Variants in SLC13A1 observed in about 807,000 individuals in gnomAD.
The protein encoded by SLC13A1 is Na(+)/sulfate cotransporter.
Under a neutral mutation model 70.0 loss-of-function variants are expected in SLC13A1, and 65 were observed. The ratio of observed to expected loss-of-function variants is 0.93; its 90% CI spans 0.76 to 1.14. SLC13A1 has a LOEUF of 1.14. Among genes scored for constraint, SLC13A1 ranks in the 50% most tolerant of loss-of-function variants. The pLI is 0.00. For synonymous variants in SLC13A1, 275 were observed against 250.5 expected (o/e 1.10, Z -0.92); for missense variants, 726 against 717.8 (o/e 1.01, Z -0.13).
intron 12 of SLC13A1, among the ~76,000 whole-genome samples, chr7:123,121,125 A>T (rs1007972668): frequency 1.3e-5 from 2 of 151,920 alleles, no homozygotes; most frequent in East Asian, 1.9e-4. Flanking sequence ...TCTCTTTGTG[A>T]GCCAGTGTCT....
At position 123,125,695 on chromosome 7, in the gene SLC13A1, A is replaced by G. The variant is rs567077947; in HGVS notation, c.1134-20T>C. On this transcript the variant is annotated intron_variant, in intron 10 of 14. Coordinates refer to ENST00000194130, the MANE Select transcript of SLC13A1 (RefSeq NM_022444.4). ...GGGTACCTGTAAAAGGGACAAATAC[A>G]TGTATTAAAAATAGCATCAAGAACT... 21 of 1,548,972 alleles carry G rather than the reference A, an allele frequency of 1.4e-5. No homozygotes were observed. The East Asian group carries it at 2.9e-4, about 22-fold the overall frequency.
intron 1 of SLC13A1, among the ~76,000 whole-genome samples, chr7:123,191,967 T>C (rs1403568614): frequency 6.6e-6 from 1 of 152,200 alleles, no homozygotes; most frequent in Non-Finnish European, 1.5e-5. Context: ...TTTGTATTTA[T>C]ATATCTTATA....
intron 6 of SLC13A1, among the ~76,000 whole-genome samples, chr7:123,156,998 A>G (rs2116475159): frequency 6.6e-6 from 1 of 152,192 alleles, no homozygotes. Context: ...TCCCTTGGCT[A>G]AGCTCGCTGG....
chr7:123,165,736 C>T (rs1294064040), intron 6 of SLC13A1, among the ~76,000 whole-genome samples: 1 of 152,166 alleles, frequency 6.6e-6, no homozygotes, highest in Non-Finnish European at 1.5e-5. Flanking sequence ...CCCACAACAG[C>T]TCATCTCTAG....
At position 123,124,399 on chromosome 7, in the gene SLC13A1, AAAAC is replaced by A. The variant is rs1418272966; in HGVS notation, c.1240+1166_1241-1165del. Among the ~76,000 whole-genome samples the A allele has an allele frequency of 1.3e-5, 2 of 152,306 alleles. 1 individual carries two copies. The highest frequency in any genetic ancestry group is 3.9e-4 in the East Asian group (2 of 5,172). On this transcript the variant is annotated intron_variant, in intron 11 of 14. Coordinates refer to ENST00000194130, the MANE Select transcript of SLC13A1 (RefSeq NM_022444.4). ...ATTGAGATATTCTAATCTCAAGTGA[AAAAC>A]AAAGTACATTTGTTTCTATGCTGTG...
intron 1 of SLC13A1, among the ~76,000 whole-genome samples, chr7:123,184,365 T>C (rs139893384): frequency 9.9e-5 from 15 of 152,226 alleles, no homozygotes; most frequent in African/African-American, 3.6e-4. Context: ...ACAATAAATC[T>C]CTCAAGCTTA....
intron 1 of SLC13A1, among the ~76,000 whole-genome samples, chr7:123,198,138 G>A (rs1405393518): frequency 6.6e-6 from 1 of 151,998 alleles, no homozygotes; most frequent in Non-Finnish European, 1.5e-5. Context: ...GGACTCATGG[G>A]ACCAGGAGAG....
Position 123,184,612 on chromosome 7 carries a change from T to G in SLC13A1, c.100-3511A>C, listed in dbSNP as rs541871878. Among the ~76,000 whole-genome samples, 3 of 152,192 alleles carry G rather than the reference T, an allele frequency of 2.0e-5. No individual in the cohort carries two copies. In the South Asian group the frequency reaches 6.2e-4, roughly 32 times the overall value. ...TTCTTCATTTTATGGCTGAATAGTA[T>G]TTCATTCTGTCTCTGTCTCTCTCTC... On this transcript the variant is annotated intron_variant, in intron 1 of 14. Transcript: ENST00000194130.
In SLC13A1 at chr7:123,182,931, C is replaced by A. The variant is rs1355375836; in HGVS notation, c.100-1830G>T. On this transcript the variant is annotated intron_variant, in intron 1 of 14. Coordinates refer to ENST00000194130, the MANE Select transcript of SLC13A1 (RefSeq NM_022444.4). Reference sequence around the variant, plus strand: ...CATTTTGCATTCAAACCCACCTTCACTTTGACTATAATGTCTTATCACAAC... The same window carrying A: ...CATTTTGCATTCAAACCCACCTTCAATTTGACTATAATGTCTTATCACAAC... Among the ~76,000 whole-genome samples, 4 of 152,190 alleles carry A rather than the reference C, an allele frequency of 2.6e-5. No individual in the cohort carries two copies. The East Asian group carries it at 7.7e-4, about 29-fold the overall frequency.
At chr7:123,173,975 T>G (rs189248427) in intron 2 of SLC13A1, among the ~76,000 whole-genome samples, 2,493 of 150,200 alleles carry the variant, frequency 0.017, 27 homozygotes, top group Non-Finnish European at 0.025. Context: ...AAGCTGTTTT[T>G]TTTTTTTTTT....
At chr7:123,134,338 A>G (rs752026510) in intron 8 of SLC13A1, 72 bp downstream of exon 8, 67 of 1,427,602 alleles carry the variant, frequency 4.7e-5, no homozygotes, top group Non-Finnish European at 6.4e-5. Flanking sequence ...GGGAAAGAGC[A>G]TCGGATAAGA....
At position 123,128,867 on chromosome 7, in the gene SLC13A1, C is replaced by T; in HGVS notation, c.1111G>A (p.Gly371Ser). 1 of 1,613,250 alleles carries T rather than the reference C, an allele frequency of 6.2e-7. No individual in the cohort carries two copies. The highest frequency in any genetic ancestry group is 8.5e-7 in the Non-Finnish European group (1 of 1,179,546). ...WFSRDPGFVPGWSALFSEYPG... is the reference protein window; with the variant it reads ...WFSRDPGFVPSWSALFSEYPG... ...TACTCTGAAAAAAGTGCAGACCAAC[C>T]AGGAACAAATCCGGGGTCTCGACTA... Residue 371 changes from glycine to serine, a missense_variant, in exon 10 of 15, where the codon GGT (glycine) becomes AGT (serine). Coordinates refer to ENST00000194130, the MANE Select transcript of SLC13A1 (RefSeq NM_022444.4).
intron 6 of SLC13A1, among the ~76,000 whole-genome samples, chr7:123,147,634 T>C (rs1794410057): frequency 6.6e-6 from 1 of 152,112 alleles, no homozygotes; most frequent in Non-Finnish European, 1.5e-5. Flanking sequence ...ACACTGACCC[T>C]GCCAGACCCT....
intron 3 of SLC13A1, among the ~76,000 whole-genome samples, chr7:123,170,075 A>G (rs978919655): frequency 2.0e-5 from 3 of 152,182 alleles, no homozygotes; most frequent in African/African-American, 7.2e-5. Context: ...ATTTTAAGCC[A>G]TATCTATAAA....
intron 7 of SLC13A1, among the ~76,000 whole-genome samples, chr7:123,146,518 AAAAT>A (rs1268368636): frequency 6.6e-6 from 1 of 152,210 alleles, no homozygotes; most frequent in Non-Finnish European, 1.5e-5. Context: ...CTGTCTCAGA[AAAAT>A]AAATAAGTAA....
Position 123,129,324 on chromosome 7 carries a change from C to CTGTG in SLC13A1, c.1031+55_1031+58dup, listed in dbSNP as rs3837116. The CTGTG allele has an allele frequency of 5.7e-4, 449 of 781,188 alleles. 1 individual carries two copies. The African/African-American group carries it at 6.0e-3, about 10-fold the overall frequency. 48.4% of individuals were successfully genotyped at this position (781,188 alleles called of 1,614,324 possible). A position where few individuals can be genotyped will look rare whatever the true frequency, so the allele number is the denominator to read the frequency against. Reference sequence around the variant, plus strand: ...AGTGTAAACAGCATTTCTCTCTTCTCTGTGTGTGTGTGTGTGTGTGTGTGT... The same window carrying CTGTG: ...AGTGTAAACAGCATTTCTCTCTTCTCTGTGTGTGTGTGTGTGTGTGTGTGTGTGT... On this transcript the variant is annotated intron_variant, in intron 9 of 14. Coordinates refer to ENST00000194130, the MANE Select transcript of SLC13A1 (RefSeq NM_022444.4).
chr7:123,195,890 A>T (rs536300947), intron 1 of SLC13A1, among the ~76,000 whole-genome samples: 1 of 152,200 alleles, frequency 6.6e-6, no homozygotes, highest in African/African-American at 2.4e-5. Context: ...GAATAGGTAT[A>T]CCTGGAAGAA....
chr7:123,148,645 G>A, intron 6 of SLC13A1: 1 of 319,466 alleles, frequency 3.1e-6, no homozygotes, highest in South Asian at 2.5e-5. Context: ...TTTCAGTTAT[G>A]TTTAGTCAGG....
chr7:123,171,701 A>T lies in SLC13A1; in HGVS notation c.365+67T>A, dbSNP rs964063503. On this transcript the variant is annotated intron_variant, in intron 3 of 14. Transcript: ENST00000194130. ...TTCCTGGGCGTGAATTACTTATTTGATTATTTGCTCTGCACAAAAATGGTC... is the reference window on the plus strand; with the variant it reads ...TTCCTGGGCGTGAATTACTTATTTGTTTATTTGCTCTGCACAAAAATGGTC... The T allele has an allele frequency of 3.3e-6, 5 of 1,494,632 alleles. No homozygotes were observed. The African/African-American group carries it at 7.0e-5, about 21-fold the overall frequency. 92.6% of individuals were successfully genotyped at this position (1,494,632 alleles called of 1,614,324 possible).
Sources: allele counts gnomAD v4.1 joint callset (sites outside exome capture counted in the v4.1 genomes callset), GRCh38; gene constraint gnomAD v4.1.1; transcripts MANE v1.5; gene names NCBI Gene and HGNC (gene_info 2026-07-23, HGNC 2026-07-21).